Variants in TRMT10B observed in about 807,000 individuals in gnomAD.
TRMT10B encodes tRNA methyltransferase 10B.
A neutral mutation model predicts 43.8 loss-of-function variants in TRMT10B; 33 were observed. That is an observed-to-expected ratio of 0.75 (90% CI 0.57 to 1.01). TRMT10B has a LOEUF of 1.01. TRMT10B is among the 50% of genes least tolerant of loss of function. The pLI is 0.00. For synonymous variants in TRMT10B, 137 were observed against 130.6 expected (o/e 1.05, Z -0.34); for missense variants, 362 against 369.8 (o/e 0.98, Z 0.17).
intron 3 of TRMT10B, among the ~76,000 whole-genome samples, chr9:37,763,152 A>AAAAAAAAC (rs1826572898): frequency 7.0e-6 from 1 of 142,672 alleles, no homozygotes; most frequent in Non-Finnish European, 1.5e-5. Context: ...TCAAAAAAAA[A>AAAAAAAAC]AAAAAAAAAA....
At position 37,763,672 on chromosome 9, in the gene TRMT10B, CA is replaced by C; in HGVS notation, c.342del (p.Asp115ThrfsTer17). ...HSKRFLRALT[K>X]DKLLEAKHSG... ...GCAAACGTTTCCTGAGAGCTCTAACCAAAGACAAACTTTTGGAAGCCAAACA... is the reference window on the plus strand; with the variant it reads ...GCAAACGTTTCCTGAGAGCTCTAACCAAGACAAACTTTTGGAAGCCAAACA... On this transcript the variant is annotated frameshift_variant, in exon 4 of 9. Transcript: ENST00000297994. LOFTEE classifies it high-confidence loss of function. 1.2e-6 allele frequency: 2 copies of C among 1,614,130 alleles called. No individual in the cohort carries two copies. The highest frequency in any genetic ancestry group is 1.7e-6 in the Non-Finnish European group (2 of 1,180,020).
chr9:37,771,305 GAGT>G (rs1472710345), intron 7 of TRMT10B, among the ~76,000 whole-genome samples: 1 of 152,146 alleles, frequency 6.6e-6, no homozygotes, highest in Non-Finnish European at 1.5e-5. Context: ...AAATATAAAA[GAGT>G]AGAATGAAAG....
intron 7 of TRMT10B, among the ~76,000 whole-genome samples, chr9:37,772,499 T>G (rs1226224398): frequency 1.3e-5 from 2 of 152,100 alleles, no homozygotes; most frequent in African/African-American, 2.4e-5. Flanking sequence ...GTGTCCAGCC[T>G]TGAATTCTTG....
upstream of TRMT10B, among the ~76,000 whole-genome samples, chr9:37,753,336 C>T (rs556112359): frequency 1.6e-4 from 25 of 152,334 alleles, no homozygotes; most frequent in Admixed American, 9.2e-4. Context: ...TCTGTTGTGT[C>T]AGTCCCCGTT....
intron 1 of TRMT10B, among the ~76,000 whole-genome samples, chr9:37,758,997 C>T (rs1038105693): frequency 1.2e-4 from 19 of 152,086 alleles, no homozygotes; most frequent in South Asian, 4.2e-4. Flanking sequence ...AATCTGTGTA[C>T]GGGTCCCCAG....
At position 37,776,375 on chromosome 9, in the gene TRMT10B, T is replaced by G; in HGVS notation, c.814T>G (p.Tyr272Asp). 1 of 1,612,234 alleles carries G rather than the reference T, an allele frequency of 6.2e-7. No individual in the cohort carries two copies. Among genetic ancestry groups the G allele is most frequent in the Non-Finnish European group, 8.5e-7 (1 of 1,179,160 alleles). The change falls in exon 8 of 9, where the codon TAT (tyrosine) becomes GAT (aspartate). Residue 272 changes from tyrosine to aspartate, a missense_variant. Transcript: ENST00000297994. ...YMVRNQNGKN[Y>D]HSEILAINQV... ...GGTCAGAAACCAGAATGGGAAAAAC[T>G]ATCATTCAGAGATACTGGCCATCAA...
intron 1 of TRMT10B, among the ~76,000 whole-genome samples, chr9:37,755,779 AAAAG>A (rs1410786246): frequency 1.3e-5 from 2 of 152,300 alleles, no homozygotes; most frequent in African/African-American, 4.8e-5. Context: ...AAAGGAGGGG[AAAAG>A]AAAGGAAGGG....
At chr9:37,776,457 T>C in intron 8 of TRMT10B, 52 bp downstream of exon 8, 1 of 1,564,992 alleles carries the variant, frequency 6.4e-7, no homozygotes, top group Non-Finnish European at 8.6e-7. Flanking sequence ...GTGCTGCTGC[T>C]TTGCACTGTG....
At chr9:37,777,023 G>A (rs1439253362) in intron 8 of TRMT10B, among the ~76,000 whole-genome samples, 1 of 150,704 alleles carries the variant, frequency 6.6e-6, no homozygotes, top group Non-Finnish European at 1.5e-5. Flanking sequence ...GAGAAACACC[G>A]TCTCTACTAA....
chr9:37,764,315 ATTTTTTTTT>A (rs753115932), intron 4 of TRMT10B, among the ~76,000 whole-genome samples: 3 of 110,582 alleles, frequency 2.7e-5, no homozygotes, highest in Non-Finnish European at 3.6e-5. Context: ...CGCCTGACAA[ATTTTTTTTT>A]TTTTTTTTTT....
At chr9:37,759,790 C>G (rs2118730028) in intron 1 of TRMT10B, among the ~76,000 whole-genome samples, 1 of 152,288 alleles carries the variant, frequency 6.6e-6, no homozygotes, top group South Asian at 2.1e-4. Context: ...GCATTCCAGC[C>G]TAGGCAACAG....
intron 7 of TRMT10B, among the ~76,000 whole-genome samples, chr9:37,772,691 A>G (rs1415275890): frequency 6.6e-6 from 1 of 152,168 alleles, no homozygotes; most frequent in Non-Finnish European, 1.5e-5. Flanking sequence ...GTTACAGATT[A>G]AAAGAGGTTC....
At chr9:37,771,158 G>T (rs7035269) in intron 7 of TRMT10B, among the ~76,000 whole-genome samples, 2,203 of 152,134 alleles carry the variant, frequency 0.014, 26 homozygotes, top group Middle Eastern at 0.037. Context: ...GATTTTTTTT[G>T]TTGGAGTTTT....
intron 1 of TRMT10B, among the ~76,000 whole-genome samples, chr9:37,759,460 C>T (rs1826088919): frequency 6.6e-6 from 1 of 152,108 alleles, no homozygotes; most frequent in African/African-American, 2.4e-5. Context: ...ACAGTGGTTG[C>T]CTTTGGCAAG....
At chr9:37,771,180 T>C (rs1397184958) in intron 7 of TRMT10B, among the ~76,000 whole-genome samples, 2 of 152,158 alleles carry the variant, frequency 1.3e-5, no homozygotes, top group African/African-American at 4.8e-5. Flanking sequence ...GAGGAATAAT[T>C]GGGGTGTCAC....
At chr9:37,773,898 CTG>C (rs905863002) in intron 7 of TRMT10B, among the ~76,000 whole-genome samples, 6 of 147,770 alleles carry the variant, frequency 4.1e-5, no homozygotes, top group Non-Finnish European at 7.4e-5. Flanking sequence ...CTGCAGAGAA[CTG>C]TGGTCACACC....
At chr9:37,759,004 C>G (rs898115271) in intron 1 of TRMT10B, among the ~76,000 whole-genome samples, 1 of 152,136 alleles carries the variant, frequency 6.6e-6, no homozygotes, top group African/African-American at 2.4e-5. Context: ...GTACGGGTCC[C>G]CAGATGGTGG....
At chr9:37,775,392 TCTGA>T (rs1042037776) in intron 7 of TRMT10B, among the ~76,000 whole-genome samples, 1 of 152,216 alleles carries the variant, frequency 6.6e-6, no homozygotes. Flanking sequence ...GCAAATGTAA[TCTGA>T]CTGAGTCATG....
intron 6 of TRMT10B, 72 bp downstream of exon 6, chr9:37,770,091 A>G (rs1161406419): frequency 1.4e-6 from 2 of 1,380,034 alleles, no homozygotes; most frequent in East Asian, 2.3e-5. Flanking sequence ...GGCAGAATTT[A>G]TTAAAGCCCC....
Sources: allele counts gnomAD v4.1 joint callset (sites outside exome capture counted in the v4.1 genomes callset), GRCh38; gene constraint gnomAD v4.1.1; transcripts MANE v1.5; gene names NCBI Gene and HGNC (gene_info 2026-07-23, HGNC 2026-07-21).